The following UBR1 variants were observed in gnomAD, a reference collection of about 807,000 sequenced individuals.
UBR1 encodes ubiquitin protein ligase E3 component n-recognin 1.
A neutral mutation model predicts 242.1 loss-of-function variants in UBR1; 102 were observed. That is an observed-to-expected ratio of 0.42 (90% CI 0.36 to 0.50). UBR1 has a LOEUF of 0.50. Among genes scored for constraint, UBR1 ranks in the 20% least tolerant of loss-of-function variants. The pLI is 0.01. For synonymous variants in UBR1, 675 were observed against 684.8 expected, an observed-to-expected ratio of 0.99 and a Z score of 0.22; for missense variants, 1,772 against 2,101.8, an observed-to-expected ratio of 0.84 and a Z score of 3.07.
chr15:42,973,793 T>G (rs2141264819), intron 39 of UBR1, among the ~76,000 whole-genome samples: 1 of 152,220 alleles, frequency 6.6e-6, no homozygotes, highest in Admixed American at 6.5e-5. Context: ...GCCTATCAAT[T>G]ATTTCTCTCA....
At chr15:43,061,263 C>T (rs1034035730) in intron 6 of UBR1, among the ~76,000 whole-genome samples, 4 of 152,156 alleles carry the variant, frequency 2.6e-5, no homozygotes, top group South Asian at 2.1e-4. Flanking sequence ...AGCTCCAGAA[C>T]GACTGTAAGA....
chr15:42,997,138 A>T (rs989734840), intron 33 of UBR1, among the ~76,000 whole-genome samples: 1 of 152,310 alleles, frequency 6.6e-6, no homozygotes, highest in African/African-American at 2.4e-5. Context: ...GCCTCCTGCC[A>T]GATCAGCAGC....
Position 43,093,916 on chromosome 15 carries a change from T to C in UBR1, c.82-7676A>G, listed in dbSNP as rs1055606052. On this transcript the variant is annotated intron_variant, in intron 1 of 46. Coordinates refer to ENST00000290650, the MANE Select transcript of UBR1 (RefSeq NM_174916.3). ...TTCACTCTGCTTTTTCATCAGTCTTTTCAAATAAATGAAGATAACTATTAC... is the reference window on the plus strand; with the variant it reads ...TTCACTCTGCTTTTTCATCAGTCTTCTCAAATAAATGAAGATAACTATTAC... 2.0e-5 allele frequency among the ~76,000 whole-genome samples: 3 copies of C among 152,274 alleles called. No individual in the cohort carries two copies. In the South Asian group the frequency reaches 6.2e-4, roughly 32 times the overall value.
chr15:43,088,685 T>G (rs904413533), intron 1 of UBR1, among the ~76,000 whole-genome samples: 1 of 151,954 alleles, frequency 6.6e-6, no homozygotes, highest in Admixed American at 6.6e-5. Context: ...TCCCTAAACA[T>G]AGACTAAGGG....
intron 1 of UBR1, among the ~76,000 whole-genome samples, chr15:43,087,502 G>C (rs928568580): frequency 6.6e-6 from 1 of 152,078 alleles, no homozygotes; most frequent in Non-Finnish European, 1.5e-5. Context: ...TACATATAAG[G>C]CTTTTTTAGT....
chr15:43,063,609 G>A (rs2033714453), intron 6 of UBR1, among the ~76,000 whole-genome samples: 2 of 152,232 alleles, frequency 1.3e-5, no homozygotes, highest in Middle Eastern at 3.4e-3. Context: ...TTGAAGACAA[G>A]TGTGGGCAAC....
At chr15:42,961,830 C>T (rs948624273) in intron 42 of UBR1, among the ~76,000 whole-genome samples, 1 of 152,124 alleles carries the variant, frequency 6.6e-6, no homozygotes, top group African/African-American at 2.4e-5. Context: ...TCTTGGCTCA[C>T]TGCAACCTTC....
intron 6 of UBR1, among the ~76,000 whole-genome samples, chr15:43,061,037 T>A (rs888807570): frequency 6.6e-6 from 1 of 152,080 alleles, no homozygotes; most frequent in Admixed American, 6.5e-5. Context: ...CTCAATCAGC[T>A]TGTATGTATG....
At chr15:43,025,707 TGTAAA>T (rs2033169563) in intron 23 of UBR1, 1 of 351,684 alleles carries the variant, frequency 2.8e-6, no homozygotes, top group Admixed American at 4.3e-5. Context: ...TGCTATGGGC[TGTAAA>T]GTATTTACTT....
chr15:43,085,744 C>T (rs1162588561), intron 2 of UBR1, among the ~76,000 whole-genome samples: 2 of 149,406 alleles, frequency 1.3e-5, no homozygotes, highest in African/African-American at 4.9e-5. Flanking sequence ...ATTAGCCAGG[C>T]ATGGTGGCGG....
At chr15:43,045,411 G>T (rs1040052476) in intron 14 of UBR1, among the ~76,000 whole-genome samples, 11 of 152,150 alleles carry the variant, frequency 7.2e-5, no homozygotes, top group Admixed American at 5.2e-4. Flanking sequence ...AGGCTGCAGT[G>T]AGCCATGATA....
chr15:43,069,092 ATAGACT>A (rs2033790754), intron 5 of UBR1, among the ~76,000 whole-genome samples: 3 of 152,350 alleles, frequency 2.0e-5, no homozygotes, highest in Admixed American at 2.0e-4. Flanking sequence ...AGTATACAGT[ATAGACT>A]TAAGCGCCAG....
Position 43,060,090 on chromosome 15 carries a change from C to T in UBR1, c.823G>A (p.Ala275Thr). The T allele has an allele frequency of 6.2e-7, 1 of 1,614,136 alleles. No individual in the cohort carries two copies. Among genetic ancestry groups the T allele is most frequent in the Non-Finnish European group, 8.5e-7 (1 of 1,180,026 alleles). The change falls in exon 7 of 47, where the codon GCT (alanine) becomes ACT (threonine). Residue 275 changes from alanine to threonine, a missense_variant. Ala to Thr is a moderately conservative substitution (Grantham distance 58). Around this residue, in one of 3 missense-constraint regions of UBR1, gnomAD observed 734 missense variants for 893.3 expected, o/e 0.82. Transcript: ENST00000290650. ...TTTGCTTCCTGGCAAGCAGCATAAG[C>T]TCCCGCTTTAACAGCCCGACGACCC... ...KEGRRAVKAG[A>T]YAACQEAKED...
chr15:42,976,866 A>C lies in UBR1; in HGVS notation c.4220T>G (p.Val1407Gly), dbSNP rs2032298424. The C allele has an allele frequency of 6.2e-7, 1 of 1,613,246 alleles. No individual in the cohort carries two copies. The highest frequency in any genetic ancestry group is 1.1e-5 in the South Asian group (1 of 90,966). ...LLSIDLFHVL[V>G]GAVLAFPSLY... Reference sequence around the variant, plus strand: ...GGATGGGAATGCTAACACAGCACCCACCTATGAGAGAAAAATGGACATCAA... The same window carrying C: ...GGATGGGAATGCTAACACAGCACCCCCCTATGAGAGAAAAATGGACATCAA... Residue 1407 changes from valine (V) to glycine (G), a missense_variant and splice_region_variant, in exon 39 of 47, where the codon GTG becomes GGG. By Grantham distance (109) the Val-to-Gly change is moderately radical. This residue lies in a region of UBR1 where 965 missense variants were observed against 1,079.7 expected (regional missense o/e 0.89). Coordinates refer to ENST00000290650, the MANE Select transcript of UBR1 (RefSeq NM_174916.3).
At chr15:42,965,302 AT>A (rs986609671) in intron 41 of UBR1, among the ~76,000 whole-genome samples, 1 of 152,096 alleles carries the variant, frequency 6.6e-6, no homozygotes, top group Non-Finnish European at 1.5e-5. Context: ...AAATATTCTG[AT>A]TTTTACCCAT....
chr15:42,946,644 G>A (rs940597446), intron 46 of UBR1, among the ~76,000 whole-genome samples: 3 of 152,132 alleles, frequency 2.0e-5, no homozygotes, highest in Non-Finnish European at 4.4e-5. Flanking sequence ...ATATTTCAAA[G>A]GAACAAAATT....
At chr15:43,012,544 TAATC>T in intron 29 of UBR1, among the ~76,000 whole-genome samples, 1 of 152,294 alleles carries the variant, frequency 6.6e-6, no homozygotes, top group East Asian at 1.9e-4. Context: ...CATGTCCAAT[TAATC>T]AAGCAATAAA....
intron 45 of UBR1, 78 bp from the exon 46 acceptor site, chr15:42,950,441 AGAAAAG>A: frequency 7.9e-7 from 1 of 1,262,636 alleles, no homozygotes; most frequent in Non-Finnish European, 1.2e-6. Context: ...GTTAACCTAG[AGAAAAG>A]ACGTGGCCAA....
chr15:43,017,396 A>C (rs1001039675), intron 27 of UBR1, among the ~76,000 whole-genome samples: 1 of 152,262 alleles, frequency 6.6e-6, no homozygotes, highest in Non-Finnish European at 1.5e-5. Context: ...TGGTAGCAGA[A>C]TCAGCAGATT....
Sources: allele counts gnomAD v4.1 joint callset (sites outside exome capture counted in the v4.1 genomes callset), GRCh38; gene constraint gnomAD v4.1.1; regional missense constraint gnomAD v4.1.1; transcripts MANE v1.5; gene names NCBI Gene and HGNC (gene_info 2026-07-23, HGNC 2026-07-21).